VGLL4: variants seen among roughly 807,000 people sequenced by gnomAD.
VGLL4 encodes transcription cofactor vestigial-like protein 4.
A neutral mutation model predicts 21.0 loss-of-function variants in VGLL4; 7 were observed. The observed-to-expected ratio is 0.33, with a 90% confidence interval of 0.19 to 0.63. The LOEUF (loss-of-function observed/expected upper bound fraction) is 0.63, where lower values mean the gene tolerates loss of function less well. VGLL4 is among the 20% of genes least tolerant of loss of function. The probability of loss-of-function intolerance (pLI) is 0.78; values close to 1 mark genes in which losing one functional copy is unlikely to be tolerated. For synonymous variants in VGLL4, 222 were observed against 173.2 expected (o/e 1.28, Z -2.21); for missense variants, 394 against 425.7 (o/e 0.93, Z 0.66).
chr3:11,658,384 AACATTTCTAGTTTGGTCTGGAACC>A (rs1559928011), intron 2 of VGLL4, among the ~76,000 whole-genome samples: 1 of 151,990 alleles, frequency 6.6e-6, no homozygotes, highest in Non-Finnish European at 1.5e-5. Flanking sequence ...TACAAGCTAG[AACATTTCTAGTTTGGTCTGGAACC>A]ACAAAGGAAA....
chr3:11,612,952 T>G (rs1324162248), intron 1 of VGLL4, among the ~76,000 whole-genome samples: 2 of 152,206 alleles, frequency 1.3e-5, no homozygotes, highest in Non-Finnish European at 2.9e-5. Flanking sequence ...AGGAGAGTTA[T>G]GAAAGTAAAT....
intron 3 of VGLL4, among the ~76,000 whole-genome samples, chr3:11,563,697 A>G (rs2073250166): frequency 6.6e-6 from 1 of 152,226 alleles, no homozygotes. Context: ...GCGTGCTGAG[A>G]ACAAAAACTG....
At chr3:11,681,457 G>A (rs1048079269) in intron 2 of VGLL4, among the ~76,000 whole-genome samples, 1 of 152,188 alleles carries the variant, frequency 6.6e-6, no homozygotes, top group Admixed American at 6.5e-5. Context: ...AAGTAGGCTC[G>A]GCGTTGGGAG....
intron 2 of VGLL4, among the ~76,000 whole-genome samples, chr3:11,588,301 A>G (rs2074406288): frequency 6.6e-6 from 1 of 152,206 alleles, no homozygotes; most frequent in South Asian, 2.1e-4. Flanking sequence ...TGGACACCCA[A>G]CTGTAGCAGA....
intron 2 of VGLL4, among the ~76,000 whole-genome samples, chr3:11,572,100 C>T (rs534935813): frequency 2.0e-5 from 3 of 151,856 alleles, no homozygotes; most frequent in South Asian, 4.2e-4. Flanking sequence ...AGAGTGAGAC[C>T]CTGTCTCAAA....
chr3:11,559,867 T>G (rs1203293015), intron 3 of VGLL4, among the ~76,000 whole-genome samples: 1 of 152,102 alleles, frequency 6.6e-6, no homozygotes, highest in African/African-American at 2.4e-5. Context: ...CCTGGAGCCA[T>G]CCAGGACACT....
At chr3:11,559,798 G>A (rs1318540440) in intron 3 of VGLL4, among the ~76,000 whole-genome samples, 1 of 152,148 alleles carries the variant, frequency 6.6e-6, no homozygotes, top group Non-Finnish European at 1.5e-5. Context: ...GAGGGACCTC[G>A]ATTCTCCCGT....
chr3:11,703,593 T>C (rs544387396), intron 1 of VGLL4, among the ~76,000 whole-genome samples: 7 of 152,360 alleles, frequency 4.6e-5, no homozygotes, highest in African/African-American at 1.7e-4. Flanking sequence ...CATCAATTTA[T>C]CTAGCATCAT....
intron 2 of VGLL4, among the ~76,000 whole-genome samples, chr3:11,674,949 C>A (rs991867836): frequency 6.6e-6 from 1 of 152,212 alleles, no homozygotes; most frequent in Admixed American, 6.5e-5. Context: ...ATAGCATATT[C>A]TCCCTCGATG....
chr3:11,629,871 T>C (rs73127146), intron 1 of VGLL4, among the ~76,000 whole-genome samples: 3,261 of 151,994 alleles, frequency 0.021, 98 homozygotes, highest in African/African-American at 0.072. Flanking sequence ...ATAAATCAAA[T>C]TGGAGTTACG....
intron 4 of VGLL4, 102 bp downstream of exon 4, chr3:11,559,230 A>T: frequency 7.0e-7 from 1 of 1,435,804 alleles, no homozygotes; most frequent in Non-Finnish European, 9.1e-7. Context: ...CCTCAGCAAT[A>T]GATGGGCTCA....
chr3:11,644,249 G>C (rs982253338), upstream of VGLL4, among the ~76,000 whole-genome samples: 1 of 152,134 alleles, frequency 6.6e-6, no homozygotes, highest in African/African-American at 2.4e-5. Context: ...CTTCATGTTG[G>C]GGTTTCGGAA....
At chr3:11,619,260 A>G (rs1352802847) in intron 1 of VGLL4, among the ~76,000 whole-genome samples, 3 of 152,260 alleles carry the variant, frequency 2.0e-5, no homozygotes, top group Non-Finnish European at 4.4e-5. Flanking sequence ...ACTAGATGAC[A>G]TTCCTAGAGC....
chr3:11,564,144 G>A (rs1361218529), intron 3 of VGLL4, among the ~76,000 whole-genome samples: 1 of 152,256 alleles, frequency 6.6e-6, no homozygotes, highest in Admixed American at 6.5e-5. Context: ...CCTCCTCAAT[G>A]CTGCTGCCTT....
chr3:11,605,975 G>T (rs1295126192), intron 1 of VGLL4, among the ~76,000 whole-genome samples: 1 of 152,226 alleles, frequency 6.6e-6, no homozygotes, highest in African/African-American at 2.4e-5. Context: ...GAAAGATGTT[G>T]TATTAGTCTG....
intron 2 of VGLL4, among the ~76,000 whole-genome samples, chr3:11,594,863 T>C (rs1015477709): frequency 3.3e-5 from 5 of 152,118 alleles, no homozygotes; most frequent in African/African-American, 9.7e-5. Flanking sequence ...TGATGTGTCA[T>C]TGAAAAACAC....
chr3:11,713,761 G>A lies in VGLL4; in HGVS notation c.-14+6633C>T, dbSNP rs986089839. ...CTCTTACCCTCCAATGTAGGCTGGAGGCTGTATAGCAGGAACAGGTAACCT... is the reference window on the plus strand; with the variant it reads ...CTCTTACCCTCCAATGTAGGCTGGAAGCTGTATAGCAGGAACAGGTAACCT... On this transcript the variant is annotated intron_variant, in intron 1 of 5. Transcript: ENST00000273038. Among the ~76,000 whole-genome samples the A allele has an allele frequency of 2.6e-5, 4 of 151,874 alleles. No individual in the cohort carries two copies. In the East Asian group the frequency reaches 7.8e-4, roughly 29 times the overall value.
intron 1 of VGLL4, among the ~76,000 whole-genome samples, chr3:11,607,576 T>C (rs902531768): frequency 4.6e-5 from 7 of 152,232 alleles, no homozygotes; most frequent in Non-Finnish European, 1.0e-4. Flanking sequence ...GGGTGAATTG[T>C]ATAGTATGTG....
intron 2 of VGLL4, among the ~76,000 whole-genome samples, chr3:11,686,137 T>G (rs2125387017): frequency 6.6e-6 from 1 of 152,232 alleles, no homozygotes; most frequent in East Asian, 1.9e-4. Context: ...CTCAAAAAAT[T>G]TTTAAAAAAT....
Sources: allele counts gnomAD v4.1 joint callset (sites outside exome capture counted in the v4.1 genomes callset), GRCh38; gene constraint gnomAD v4.1.1; transcripts MANE v1.5; gene names NCBI Gene and HGNC (gene_info 2026-07-23, HGNC 2026-07-21).